The following CAMTA1 variants were observed in gnomAD, a reference collection of about 807,000 sequenced individuals.
CAMTA1 encodes the protein calmodulin-binding transcription activator 1.
Under a neutral mutation model 170.9 loss-of-function variants are expected in CAMTA1, and 27 were observed. The observed-to-expected ratio is 0.16, with a 90% CI of 0.12 to 0.22. The LOEUF (loss-of-function observed/expected upper bound fraction) is 0.22. CAMTA1 is among the 10% of genes least tolerant of loss of function. The pLI, the probability that CAMTA1 is intolerant of heterozygous loss-of-function variation, is 1.00. For synonymous variants in CAMTA1, 833 were observed against 891.5 expected (o/e 0.93, Z 1.17); for missense variants, 1,619 against 2,217.2 (o/e 0.73, Z 5.42).
chr1:7,419,371 G>T (rs1396338336), intron 5 of CAMTA1, among the ~76,000 whole-genome samples: 1 of 152,098 alleles, frequency 6.6e-6, no homozygotes, highest in African/African-American at 2.4e-5. Flanking sequence ...TGGCCAGGCT[G>T]GTCTCGAACT....
At chr1:6,819,017 A>G (rs952977679) in intron 1 of CAMTA1, among the ~76,000 whole-genome samples, 1 of 151,856 alleles carries the variant, frequency 6.6e-6, no homozygotes, top group Non-Finnish European at 1.5e-5. Context: ...TAGTGGTGTT[A>G]TCATGGTTCA....
intron 3 of CAMTA1, among the ~76,000 whole-genome samples, chr1:6,829,287 A>G (rs1354819888): frequency 1.3e-5 from 2 of 152,202 alleles, no homozygotes; most frequent in Non-Finnish European, 2.9e-5. Flanking sequence ...GCTGAAAGTC[A>G]CTAAAAGGAA....
At chr1:7,160,381 C>T (rs1009180966) in intron 4 of CAMTA1, among the ~76,000 whole-genome samples, 13 of 152,208 alleles carry the variant, frequency 8.5e-5, no homozygotes, top group African/African-American at 1.2e-4. Flanking sequence ...CACCTGGCCC[C>T]CACCAACGAC....
chr1:7,071,674 G>T (rs1638668886), intron 3 of CAMTA1, among the ~76,000 whole-genome samples: 1 of 152,158 alleles, frequency 6.6e-6, no homozygotes, highest in Non-Finnish European at 1.5e-5. Context: ...AAACACAAAT[G>T]TTATAGATTA....
chr1:7,217,938 G>A (rs1660049229), intron 4 of CAMTA1, among the ~76,000 whole-genome samples: 1 of 152,048 alleles, frequency 6.6e-6, no homozygotes, highest in Non-Finnish European at 1.5e-5. Flanking sequence ...AAGTTCCTTT[G>A]CCAAAGAGTC....
At chr1:7,199,160 C>T (rs1325019741) in intron 4 of CAMTA1, among the ~76,000 whole-genome samples, 1 of 152,146 alleles carries the variant, frequency 6.6e-6, no homozygotes, top group Non-Finnish European at 1.5e-5. Flanking sequence ...ACTGATGCCC[C>T]CCCCAACTCC....
At chr1:6,870,267 A>G (rs1212576502) in intron 3 of CAMTA1, among the ~76,000 whole-genome samples, 1 of 152,198 alleles carries the variant, frequency 6.6e-6, no homozygotes, top group Non-Finnish European at 1.5e-5. Flanking sequence ...CCGAGCAACA[A>G]ACACATATGT....
chr1:7,001,664 C>A (rs1018951453), intron 3 of CAMTA1, among the ~76,000 whole-genome samples: 1 of 152,188 alleles, frequency 6.6e-6, no homozygotes, highest in African/African-American at 2.4e-5. Flanking sequence ...TGCTGGTCTT[C>A]ACCACCTTTG....
intron 4 of CAMTA1, among the ~76,000 whole-genome samples, chr1:7,159,041 A>G (rs1456730720): frequency 6.6e-6 from 1 of 151,918 alleles, no homozygotes; most frequent in African/African-American, 2.4e-5. Flanking sequence ...ACATCTTTCT[A>G]TGTATGAAGT....
At chr1:7,042,669 G>A (rs1016355166) in intron 3 of CAMTA1, among the ~76,000 whole-genome samples, 3 of 152,152 alleles carry the variant, frequency 2.0e-5, no homozygotes, top group African/African-American at 7.2e-5. Context: ...GAGGCCTTTC[G>A]CATTTGCTCT....
At chr1:7,088,853 G>C (rs1322400011) in intron 3 of CAMTA1, among the ~76,000 whole-genome samples, 2 of 152,228 alleles carry the variant, frequency 1.3e-5, no homozygotes, top group Non-Finnish European at 2.9e-5. Context: ...CACGTGACAA[G>C]TGGCTTAGTA....
At chr1:7,670,703 G>A (rs1481278951) in intron 9 of CAMTA1, among the ~76,000 whole-genome samples, 2 of 152,226 alleles carry the variant, frequency 1.3e-5, no homozygotes, top group Admixed American at 6.5e-5. Context: ...GGGAAGGAGC[G>A]CCTTGGGCTC....
At chr1:7,630,732 G>A (rs1299139484) in intron 6 of CAMTA1, among the ~76,000 whole-genome samples, 6 of 152,202 alleles carry the variant, frequency 3.9e-5, no homozygotes, top group African/African-American at 9.7e-5. Flanking sequence ...CTCTGCCCTC[G>A]CCTGTAGGCC....
At chr1:7,223,002 C>T (rs1661070718) in intron 4 of CAMTA1, among the ~76,000 whole-genome samples, 1 of 152,274 alleles carries the variant, frequency 6.6e-6, no homozygotes, top group Admixed American at 6.5e-5. Flanking sequence ...CTTCACTGTC[C>T]TTAAGATCTC....
At chr1:7,409,872 G>A (rs1258649203) in intron 5 of CAMTA1, among the ~76,000 whole-genome samples, 1 of 152,216 alleles carries the variant, frequency 6.6e-6, no homozygotes, top group Non-Finnish European at 1.5e-5. Flanking sequence ...ACAAATCATT[G>A]CAGGGTCTTT....
Position 7,013,129 on chromosome 1 carries a change from A to G in CAMTA1, c.235-78175A>G, listed in dbSNP as rs1426458994. Among the ~76,000 whole-genome samples, 3 of 131,032 alleles carry G rather than the reference A, an allele frequency of 2.3e-5. No individual in the cohort carries two copies. In the Admixed American group the frequency reaches 2.4e-4, roughly 10 times the overall value. The allele number at this position is 131,032 out of a possible 152,430, so 86.0% of individuals were successfully genotyped here. A position where few individuals can be genotyped will look rare whatever the true frequency, so the allele number is the denominator to read the frequency against. On this transcript the variant is annotated intron_variant, in intron 3 of 22. Coordinates refer to ENST00000303635, the MANE Select transcript of CAMTA1 (RefSeq NM_015215.4). The stretch of plus-strand genomic sequence containing the variant: ...CTCGTCCCTCATTGCCTTGTGCCGC[A>G]CCTCCTCCGTGCCAGCACTTCTCGC...
At chr1:7,480,211 A>ATGTG (rs59134069) in intron 6 of CAMTA1, among the ~76,000 whole-genome samples, 6 of 141,262 alleles carry the variant, frequency 4.2e-5, no homozygotes, top group African/African-American at 5.2e-5. Context: ...GTGTGAGTGC[A>ATGTG]TGTGTGTACG....
At position 7,663,453 on chromosome 1, in the gene CAMTA1, G is replaced by A; in HGVS notation, c.906G>A (p.Glu302=). Residue 302 remains glutamate, a synonymous_variant, in exon 9 of 23, where the codon GAG becomes GAA. Coordinates refer to ENST00000303635, the MANE Select transcript of CAMTA1 (RefSeq NM_015215.4). ...PRTGGYGSHS[E]VQHNDVSEGK... ...CAGGGGGGTACGGGAGCCACTCGGA[G>A]GTGCAGCACAATGACGTGTCGGAGG... is the stretch of plus-strand genomic sequence containing the variant. 1 of 1,586,454 alleles carries A rather than the reference G, an allele frequency of 6.3e-7. No homozygotes were observed. Among genetic ancestry groups the A allele is most frequent in the Non-Finnish European group, 8.6e-7 (1 of 1,160,922 alleles).
chr1:7,492,938 C>T (rs114460275), intron 6 of CAMTA1, among the ~76,000 whole-genome samples: 4,685 of 111,292 alleles, frequency 0.042, 149 homozygotes, highest in East Asian at 0.19. Flanking sequence ...CACACACGCA[C>T]GCACACATAA....
Sources: gnomAD v4.1 joint callset for allele counts (sites outside exome capture counted in the v4.1 genomes callset) on GRCh38, gnomAD v4.1.1 for gene constraint, MANE v1.5 for transcripts, NCBI Gene and HGNC (gene_info 2026-07-23, HGNC 2026-07-21) for gene names.